The following DOCK1 variants were observed in gnomAD, a reference collection of about 807,000 sequenced individuals.
DOCK1 encodes dedicator of cytokinesis 1.
In DOCK1, 138 loss-of-function variants were observed where a neutral mutation model predicts 262.7. The ratio of observed to expected loss-of-function variants is 0.53; its 90% CI spans 0.46 to 0.61. The LOEUF is 0.61. Ranked by LOEUF, DOCK1 falls within the 20% of genes least tolerant of loss-of-function variation. DOCK1 has a pLI of 0.00. For synonymous variants in DOCK1, 866 were observed against 867.4 expected (o/e 1.00, Z 0.03); for missense variants, 1,908 against 2,370.7 (o/e 0.80, Z 4.05).
At chr10:127,427,819 G>C (rs974365807) in intron 47 of DOCK1, among the ~76,000 whole-genome samples, 1 of 152,242 alleles carries the variant, frequency 6.6e-6, no homozygotes, top group African/African-American at 2.4e-5. Flanking sequence ...CCGAACCTTG[G>C]TGCCTCCAAG....
At chr10:127,199,939 G>A (rs2057378809) in intron 27 of DOCK1, among the ~76,000 whole-genome samples, 1 of 152,154 alleles carries the variant, frequency 6.6e-6, no homozygotes, top group African/African-American at 2.4e-5. Context: ...AGTGTGCAAG[G>A]CAGGAGAAGA....
intron 30 of DOCK1, among the ~76,000 whole-genome samples, chr10:127,342,327 C>T (rs957410912): frequency 2.0e-5 from 3 of 152,004 alleles, no homozygotes; most frequent in African/African-American, 7.3e-5. Flanking sequence ...CTGGCACTCC[C>T]CTTTCTTTAT....
chr10:127,375,229 C>A (rs531457079), intron 35 of DOCK1, among the ~76,000 whole-genome samples: 33 of 152,248 alleles, frequency 2.2e-4, no homozygotes, highest in Middle Eastern at 3.2e-3. Context: ...GTGATTCCCA[C>A]AGCCTGGCTC....
intron 23 of DOCK1, among the ~76,000 whole-genome samples, chr10:127,069,428 G>T (rs1403376782): frequency 6.6e-6 from 1 of 152,206 alleles, no homozygotes; most frequent in East Asian, 1.9e-4. Flanking sequence ...CACCGTCATA[G>T]ACCAGCAAGC....
At chr10:127,253,717 T>G (rs112139380) in intron 28 of DOCK1, among the ~76,000 whole-genome samples, 9,085 of 151,384 alleles carry the variant, frequency 0.06, 340 homozygotes, top group Non-Finnish European at 0.088. Flanking sequence ...CTACAAAAAA[T>G]ATAAAAAAAT....
intron 50 of DOCK1, among the ~76,000 whole-genome samples, chr10:127,445,996 A>G (rs1383642689): frequency 6.6e-6 from 1 of 152,262 alleles, no homozygotes; most frequent in African/African-American, 2.4e-5. Flanking sequence ...CACGCCTGTC[A>G]TCCCAGCACT....
At position 127,234,408 on chromosome 10, in the gene DOCK1, G is replaced by C. The variant is rs570180472; in HGVS notation, c.2848-13600G>C. ...ATAAAAATACACAAAATGTTCAAAG[G>C]GTTATTTAAAAAAGCACTCCCTCCA... On this transcript the variant is annotated intron_variant, in intron 27 of 51. Coordinates refer to ENST00000623213, the MANE Select transcript of DOCK1 (RefSeq NM_001290223.2). 6.0e-3 allele frequency among the ~76,000 whole-genome samples: 909 copies of C among 152,014 alleles called. 12 individuals are homozygous for C. The highest frequency in any genetic ancestry group is 0.02 in the African/African-American group (843 of 41,484).
intron 23 of DOCK1, among the ~76,000 whole-genome samples, chr10:127,094,384 G>A (rs1344158062): frequency 1.3e-5 from 2 of 152,118 alleles, no homozygotes; most frequent in Admixed American, 6.5e-5. Context: ...TATGCCTGCG[G>A]GTGGGGAGCC....
chr10:127,257,532 C>A, intron 29 of DOCK1, 103 bp downstream of exon 29: 1 of 1,026,088 alleles, frequency 9.7e-7, no homozygotes, highest in Non-Finnish European at 1.5e-6. Context: ...CAATAAAATG[C>A]TCTGCAAACG....
intron 2 of DOCK1, among the ~76,000 whole-genome samples, chr10:126,975,542 A>G (rs2038461214): frequency 6.6e-6 from 1 of 152,102 alleles, no homozygotes; most frequent in Non-Finnish European, 1.5e-5. Flanking sequence ...GACTATTATT[A>G]AACTGAAGCA....
At chr10:127,177,377 C>T (rs1338738081) in intron 27 of DOCK1, among the ~76,000 whole-genome samples, 1 of 152,178 alleles carries the variant, frequency 6.6e-6, no homozygotes, top group Non-Finnish European at 1.5e-5. Context: ...GGTAAAATGC[C>T]TTCACTTTAT....
At chr10:127,254,289 A>T (rs1428590650) in intron 28 of DOCK1, among the ~76,000 whole-genome samples, 1 of 152,112 alleles carries the variant, frequency 6.6e-6, no homozygotes, top group African/African-American at 2.4e-5. Context: ...GAAGAGACCA[A>T]TCCATTAGCT....
intron 33 of DOCK1, among the ~76,000 whole-genome samples, chr10:127,371,186 C>A (rs150723386): frequency 2.7e-4 from 41 of 152,282 alleles, no homozygotes; most frequent in Non-Finnish European, 4.6e-4. Flanking sequence ...CGAATCAATT[C>A]GAGTGTATTC....
At chr10:127,405,342 C>T (rs893451908) in intron 40 of DOCK1, among the ~76,000 whole-genome samples, 1 of 152,088 alleles carries the variant, frequency 6.6e-6, no homozygotes, top group South Asian at 2.1e-4. Flanking sequence ...ATTAATAGTG[C>T]TGCCTGGCCT....
At chr10:127,088,904 G>A (rs1316338071) in intron 23 of DOCK1, among the ~76,000 whole-genome samples, 2 of 151,962 alleles carry the variant, frequency 1.3e-5, no homozygotes. Flanking sequence ...GGGCTTCCTG[G>A]TGATACGGCC....
chr10:127,220,061 G>A (rs2058368275), intron 27 of DOCK1, among the ~76,000 whole-genome samples: 1 of 152,070 alleles, frequency 6.6e-6, no homozygotes, highest in African/African-American at 2.4e-5. Context: ...TCAATGCTGG[G>A]AGCATTAGGA....
chr10:126,925,311 C>A (rs1408477847), intron 1 of DOCK1, among the ~76,000 whole-genome samples: 1 of 152,210 alleles, frequency 6.6e-6, no homozygotes, highest in Non-Finnish European at 1.5e-5. Flanking sequence ...AGTAACCAGA[C>A]CTGCTTTTTC....
chr10:127,061,824 T>G (rs754999822), intron 23 of DOCK1, 48 bp downstream of exon 23: 1 of 1,455,140 alleles, frequency 6.9e-7, no homozygotes, highest in Admixed American at 2.2e-5. Flanking sequence ...TTTTTTTCTT[T>G]CATTATCTCT....
chr10:127,180,845 A>G (rs1455024063), intron 27 of DOCK1, among the ~76,000 whole-genome samples: 1 of 152,248 alleles, frequency 6.6e-6, no homozygotes, highest in Non-Finnish European at 1.5e-5. Context: ...CAGTCTACAG[A>G]TTATACTGGA....
Sources: allele counts gnomAD v4.1 joint callset (sites outside exome capture counted in the v4.1 genomes callset), GRCh38; gene constraint gnomAD v4.1.1; transcripts MANE v1.5; gene names NCBI Gene and HGNC (gene_info 2026-07-23, HGNC 2026-07-21).